Variants in SLC25A28 observed in about 807,000 individuals in gnomAD.
The protein encoded by SLC25A28 is solute carrier family 25 member 28, also known as mitoferrin-2.
In SLC25A28, 10 loss-of-function variants were observed where a neutral mutation model predicts 31.9. The observed-to-expected ratio is 0.31, with a 90% CI of 0.19 to 0.53. The LOEUF (loss-of-function observed/expected upper bound fraction) is 0.53, where lower values mean the gene tolerates loss of function less well. SLC25A28 is among the 20% of genes least tolerant of loss of function. SLC25A28 has a pLI of 0.95. For synonymous variants in SLC25A28, 208 were observed against 203.6 expected, an observed-to-expected ratio of 1.02 and a Z score of -0.19; for missense variants, 256 against 490.3, an observed-to-expected ratio of 0.52 and a Z score of 4.51.
chr10:99,619,902 T>C (rs1490172834), intron 1 of SLC25A28, 143 bp downstream of exon 1: 2 of 770,660 alleles, frequency 2.6e-6, no homozygotes, highest in East Asian at 6.8e-5. Flanking sequence ...TTGAATGGAG[T>C]GTCGGTTCGA....
At chr10:99,632,546 A>T in the SLC25A28 span, among the ~76,000 whole-genome samples, 1 of 152,086 alleles carries the variant, frequency 6.6e-6, no homozygotes, top group Non-Finnish European at 1.5e-5. Flanking sequence ...ACAAATGTGG[A>T]TTATTACTAT....
At chr10:99,642,151 C>A in the SLC25A28 span, among the ~76,000 whole-genome samples, 1 of 152,044 alleles carries the variant, frequency 6.6e-6, no homozygotes. Flanking sequence ...TATAAATTAC[C>A]TTGGGCAGTA....
chr10:99,643,422 T>A, the SLC25A28 span, among the ~76,000 whole-genome samples: 4 of 152,202 alleles, frequency 2.6e-5, no homozygotes, highest in African/African-American at 9.7e-5. Flanking sequence ...ATCCCCTTTA[T>A]CATTTTTCAT....
At chr10:99,624,176 C>T (rs2034840678), upstream of SLC25A28, among the ~76,000 whole-genome samples, 1 of 146,554 alleles carries the variant, frequency 6.8e-6, no homozygotes, top group South Asian at 2.2e-4. Flanking sequence ...TCCTTCCTTC[C>T]TTTTTTTCTT....
the SLC25A28 span, among the ~76,000 whole-genome samples, chr10:99,632,971 T>C: frequency 6.6e-6 from 1 of 152,210 alleles, no homozygotes; most frequent in Non-Finnish European, 1.5e-5. Flanking sequence ...ATCTTTGACA[T>C]ACAAAAACGA....
chr10:99,656,055 A>C, the SLC25A28 span, among the ~76,000 whole-genome samples: 1 of 152,100 alleles, frequency 6.6e-6, no homozygotes, highest in African/African-American at 2.4e-5. Context: ...TACTTCTGGA[A>C]TAGGCTGTCA....
the SLC25A28 span, among the ~76,000 whole-genome samples, chr10:99,654,219 G>A: frequency 6.6e-6 from 1 of 152,122 alleles, no homozygotes; most frequent in African/African-American, 2.4e-5. Flanking sequence ...CACATATCAG[G>A]AGACTACAGA....
the SLC25A28 span, among the ~76,000 whole-genome samples, chr10:99,634,618 A>G: frequency 1.6e-4 from 24 of 152,354 alleles, no homozygotes; most frequent in African/African-American, 5.5e-4. Context: ...AGAAAATATG[A>G]ACAAAACCTC....
chr10:99,630,990 G>A, the SLC25A28 span, among the ~76,000 whole-genome samples: 5 of 152,128 alleles, frequency 3.3e-5, no homozygotes, highest in South Asian at 2.1e-4. Context: ...AAGGAGTAAG[G>A]GAGGTAGTGG....
At chr10:99,635,677 CA>C in the SLC25A28 span, among the ~76,000 whole-genome samples, 4 of 146,746 alleles carry the variant, frequency 2.7e-5, no homozygotes, top group African/African-American at 2.5e-5. Flanking sequence ...GATTCCATCT[CA>C]AAAAAAAAAA....
intron 1 of SLC25A28, 22 bp downstream of exon 1, chr10:99,620,023 C>A (rs1297438673): frequency 6.4e-7 from 1 of 1,560,488 alleles, no homozygotes; most frequent in Non-Finnish European, 8.6e-7. Context: ...AGGTCGGGTT[C>A]GAAGCCGGGT....
upstream of SLC25A28, among the ~76,000 whole-genome samples, chr10:99,622,159 T>G (rs948007136): frequency 2.0e-4 from 31 of 152,036 alleles, no homozygotes; most frequent in African/African-American, 6.0e-4. Context: ...CTCTACAAAA[T>G]AATAAATACA....
At chr10:99,628,007 G>A in the SLC25A28 span, among the ~76,000 whole-genome samples, 2 of 152,084 alleles carry the variant, frequency 1.3e-5, no homozygotes, top group Non-Finnish European at 1.5e-5. Context: ...TTACATCACC[G>A]ATACCAATCT....
intron 1 of SLC25A28, among the ~76,000 whole-genome samples, chr10:99,614,842 A>G (rs1387740907): frequency 1.8e-4 from 28 of 152,200 alleles, no homozygotes. Flanking sequence ...GTAACATGGA[A>G]ACTAATAGTT....
At chr10:99,658,186 T>C in the SLC25A28 span, among the ~76,000 whole-genome samples, 2 of 152,124 alleles carry the variant, frequency 1.3e-5, no homozygotes. Flanking sequence ...TGAGACCCTG[T>C]AGGTAATTAA....
At chr10:99,631,878 A>T in the SLC25A28 span, among the ~76,000 whole-genome samples, 514 of 92,746 alleles carry the variant, frequency 5.5e-3, no homozygotes, top group Middle Eastern at 0.033. Context: ...TCAGTATGTT[A>T]TTTTTTTTTT....
the SLC25A28 span, among the ~76,000 whole-genome samples, chr10:99,650,009 C>T: frequency 2.1e-4 from 32 of 151,904 alleles, no homozygotes; most frequent in Non-Finnish European, 1.0e-4. Context: ...GTTCTAGTTC[C>T]TTGAGATGTG....
chr10:99,619,920 G>T, intron 1 of SLC25A28, 125 bp downstream of exon 1: 1 of 955,316 alleles, frequency 1.0e-6, no homozygotes, highest in Non-Finnish European at 1.4e-6. Flanking sequence ...CGAATCATGT[G>T]GTAGTGGCAG....
At chr10:99,644,372 G>C in the SLC25A28 span, among the ~76,000 whole-genome samples, 1 of 152,132 alleles carries the variant, frequency 6.6e-6, no homozygotes, top group Non-Finnish European at 1.5e-5. Flanking sequence ...TGTTTTATCA[G>C]AGACTAGGAT....
Sources: allele counts gnomAD v4.1 joint callset (sites outside exome capture counted in the v4.1 genomes callset), GRCh38; gene constraint gnomAD v4.1.1; transcripts MANE v1.5; gene names NCBI Gene and HGNC (gene_info 2026-07-23, HGNC 2026-07-21).